KLHL22: variants seen among roughly 807,000 people sequenced by gnomAD.
KLHL22 encodes kelch-like protein 22.
KLHL22 carries 18 observed loss-of-function variants against 60.7 expected under a neutral mutation model. The ratio of observed to expected loss-of-function variants is 0.30; its 90% confidence interval spans 0.20 to 0.44. KLHL22 has a LOEUF of 0.44. Ranked by LOEUF, KLHL22 falls within the 20% of genes least tolerant of loss-of-function variation. KLHL22 has a pLI of 1.00. For synonymous variants in KLHL22, 355 were observed against 354.5 expected (o/e 1.00, Z -0.01); for missense variants, 596 against 852.3 (o/e 0.70, Z 3.74).
At chr22:20,452,260 C>CT (rs978496639) in intron 5 of KLHL22, among the ~76,000 whole-genome samples, 6 of 147,856 alleles carry the variant, frequency 4.1e-5, no homozygotes, top group South Asian at 2.1e-4. Flanking sequence ...AAATCCAAGT[C>CT]TTTTTTTTTT....
chr22:20,445,761 TTG>T (rs1055953850), intron 6 of KLHL22, among the ~76,000 whole-genome samples: 6 of 151,716 alleles, frequency 4.0e-5, no homozygotes, highest in Admixed American at 2.6e-4. Flanking sequence ...AGTTTTGTTG[TTG>T]TTTTTTTTTG....
At chr22:20,472,501 AG>A (rs2053343382) in intron 2 of KLHL22, among the ~76,000 whole-genome samples, 1 of 152,076 alleles carries the variant, frequency 6.6e-6, no homozygotes, top group African/African-American at 2.4e-5. Flanking sequence ...CAAGGCGGGC[AG>A]ATCACCTGAG....
intron 2 of KLHL22, among the ~76,000 whole-genome samples, chr22:20,487,384 AT>A (rs35035626): frequency 0.82 from 113,808 of 139,252 alleles, 46,508 homozygotes; most frequent in Middle Eastern, 0.91. Context: ...CACCCAGCTA[AT>A]TTTTTTTTTT....
intron 2 of KLHL22, among the ~76,000 whole-genome samples, chr22:20,474,362 C>G (rs751075406): frequency 1.3e-5 from 2 of 152,062 alleles, no homozygotes; most frequent in Non-Finnish European, 2.9e-5. Flanking sequence ...GACTGCCTCA[C>G]TCTTTGCAAA....
At chr22:20,477,158 C>T (rs1200610082) in intron 2 of KLHL22, among the ~76,000 whole-genome samples, 1 of 151,584 alleles carries the variant, frequency 6.6e-6, no homozygotes, top group East Asian at 2.0e-4. Flanking sequence ...TTTGGGAGGC[C>T]GAGGTGGGCA....
rs376010885 is a variant in KLHL22, at chr22:20,449,914, G to A, written c.1306-3238C>T. ...GATTTTCTTCTGGTCATCACGTCGC[G>A]TGGCCGCAGGGAGCAGACCCGGACA... On this transcript the variant is annotated intron_variant, in intron 5 of 6. Transcript: ENST00000328879. 2.0e-5 allele frequency among the ~76,000 whole-genome samples: 3 copies of A among 152,094 alleles called. No individual in the cohort carries two copies. In the South Asian group the frequency reaches 6.2e-4, roughly 32 times the overall value.
intron 1 of KLHL22, among the ~76,000 whole-genome samples, chr22:20,492,754 T>A (rs904800036): frequency 3.9e-5 from 6 of 152,118 alleles, no homozygotes; most frequent in African/African-American, 1.2e-4. Context: ...CACACCCAGC[T>A]AATTTTCTTG....
At chr22:20,443,678 G>A (rs977398758) in intron 6 of KLHL22, among the ~76,000 whole-genome samples, 4 of 151,846 alleles carry the variant, frequency 2.6e-5, no homozygotes, top group African/African-American at 9.7e-5. Flanking sequence ...GGCAAAGGGT[G>A]CAGTGAGCCA....
intron 2 of KLHL22, chr22:20,481,326 C>A (rs2053497813): frequency 6.6e-6 from 1 of 151,936 alleles, no homozygotes; most frequent in Non-Finnish European, 1.5e-5. Flanking sequence ...AATCCCAGCA[C>A]TTTGGGAGGC....
intron 6 of KLHL22, among the ~76,000 whole-genome samples, chr22:20,445,984 C>T (rs529804630): frequency 6.6e-6 from 1 of 152,318 alleles, no homozygotes; most frequent in African/African-American, 2.4e-5. Context: ...TGGTCTCAAG[C>T]TCCTGAGCTC....
intron 5 of KLHL22, among the ~76,000 whole-genome samples, chr22:20,454,349 A>C (rs2053029400): frequency 6.6e-6 from 1 of 152,060 alleles, no homozygotes; most frequent in South Asian, 2.1e-4. Flanking sequence ...AAAATAAAAA[A>C]ATTTTTAAAA....
chr22:20,442,733 A>G (rs1281460501), intron 6 of KLHL22, among the ~76,000 whole-genome samples: 1 of 152,226 alleles, frequency 6.6e-6, no homozygotes, highest in East Asian at 1.9e-4. Flanking sequence ...ACCCGGCCCT[A>G]AGCCAGTCTC....
chr22:20,472,510 G>A (rs2053343915), intron 2 of KLHL22, among the ~76,000 whole-genome samples: 1 of 151,848 alleles, frequency 6.6e-6, no homozygotes, highest in Non-Finnish European at 1.5e-5. Flanking sequence ...CAGATCACCT[G>A]AGGTCAGGAG....
intron 5 of KLHL22, among the ~76,000 whole-genome samples, chr22:20,454,218 A>G (rs2053027626): frequency 6.6e-6 from 1 of 152,016 alleles, no homozygotes; most frequent in Middle Eastern, 3.2e-3. Flanking sequence ...AATCCCAGCT[A>G]CTTGGGAGGC....
In KLHL22 at chr22:20,469,778, G is replaced by GC. The variant is rs1555912320; in HGVS notation, c.393+1571_393+1572insG. On this transcript the variant is annotated intron_variant, in intron 3 of 6. Transcript: ENST00000328879. ...GGTTGGTTTTCCTGTGACTTGAGTT[G>GC]TTTTTTTTTAATTGCGTCAAACCTG... is the stretch of plus-strand genomic sequence containing the variant. Among the ~76,000 whole-genome samples, 5 of 149,946 alleles carry GC rather than the reference G, an allele frequency of 3.3e-5. No individual in the cohort carries two copies. In the South Asian group the frequency reaches 6.4e-4, roughly 19 times the overall value.
intron 1 of KLHL22, chr22:20,493,261 G>A (rs1329066488): frequency 2.1e-6 from 1 of 470,544 alleles, no homozygotes; most frequent in South Asian, 1.6e-5. Flanking sequence ...TCTTCCATGG[G>A]CAGGCAAAGC....
intron 6 of KLHL22, among the ~76,000 whole-genome samples, chr22:20,444,153 C>A (rs985127721): frequency 3.9e-5 from 6 of 151,940 alleles, no homozygotes; most frequent in Admixed American, 3.9e-4. Context: ...GACGAAGTGT[C>A]CCCAAGCCAG....
At chr22:20,449,706 G>A (rs1216385228) in intron 5 of KLHL22, among the ~76,000 whole-genome samples, 7 of 152,186 alleles carry the variant, frequency 4.6e-5, no homozygotes, top group Admixed American at 1.3e-4. Flanking sequence ...ACACCTGGCC[G>A]TTTATTGAGT....
At position 20,442,027 on chromosome 22, in the gene KLHL22, C is replaced by T. The variant is rs753135647; in HGVS notation, c.*46G>A. On this transcript the variant is annotated 3_prime_UTR_variant, in exon 7 of 7. Coordinates refer to ENST00000328879, the MANE Select transcript of KLHL22 (RefSeq NM_032775.4). ...GCCTAGGCTGCGTGGGTTTCACTGC[C>T]CTGCAGCCCCAGCCTCCCTTCCCTC... 37 of 1,488,584 alleles carry T rather than the reference C, an allele frequency of 2.5e-5. No individual in the cohort carries two copies. The highest frequency in any genetic ancestry group is 2.9e-5 in the Non-Finnish European group (32 of 1,119,102). 92.2% of individuals were successfully genotyped at this position (1,488,584 alleles called of 1,614,324 possible).
Sources: gnomAD v4.1 joint callset for allele counts (sites outside exome capture counted in the v4.1 genomes callset) on GRCh38, gnomAD v4.1.1 for gene constraint, MANE v1.5 for transcripts, NCBI Gene and HGNC (gene_info 2026-07-23, HGNC 2026-07-21) for gene names.